Variants in AGBL1 observed in about 807,000 individuals in gnomAD.
The protein encoded by AGBL1 is cytosolic carboxypeptidase 4.
Under a neutral mutation model 118.9 loss-of-function variants are expected in AGBL1, and 130 were observed. That is an observed-to-expected ratio of 1.09 (90% CI 0.95 to 1.26). The LOEUF is 1.26. Ranked by LOEUF, AGBL1 falls within the 50% of genes most tolerant of loss-of-function variation. The pLI is 0.00. For missense variants in AGBL1, 1,584 were observed against 1,298.1 expected, an observed-to-expected ratio of 1.22 and a Z score of -3.38; for synonymous variants, 555 against 478.9, an observed-to-expected ratio of 1.16 and a Z score of -2.08.
intron 1 of AGBL1, among the ~76,000 whole-genome samples, chr15:86,089,268 T>G (rs1259930674): frequency 6.6e-6 from 1 of 152,320 alleles, no homozygotes; most frequent in South Asian, 2.1e-4. Flanking sequence ...TGTGAGTGGA[T>G]TTGAAGTTAG....
chr15:86,996,280 TC>T (rs1194767144), intron 24 of AGBL1, among the ~76,000 whole-genome samples: 1 of 152,162 alleles, frequency 6.6e-6, no homozygotes, highest in Non-Finnish European at 1.5e-5. Context: ...AGCAGATTCT[TC>T]CCAGGAATTC....
intron 21 of AGBL1, among the ~76,000 whole-genome samples, chr15:86,671,435 A>G (rs2085744820): frequency 6.6e-6 from 1 of 152,188 alleles, no homozygotes; most frequent in Admixed American, 6.5e-5. Flanking sequence ...TGTCTGTGGA[A>G]AAAATTTCTA....
chr15:86,903,815 C>G (rs1470702134), intron 22 of AGBL1, among the ~76,000 whole-genome samples: 1 of 152,148 alleles, frequency 6.6e-6, no homozygotes, highest in Non-Finnish European at 1.5e-5. Context: ...CCTTTCTGGC[C>G]AGAAGAAGCA....
chr15:86,817,495 GGA>G (rs772111583), intron 22 of AGBL1, among the ~76,000 whole-genome samples: 3 of 96,722 alleles, frequency 3.1e-5, no homozygotes, highest in Admixed American at 1.0e-4. Context: ...CACACACAGA[GGA>G]GAGAGAGAGA....
At chr15:86,153,142 C>T (rs2141685209) in intron 3 of AGBL1, among the ~76,000 whole-genome samples, 1 of 152,194 alleles carries the variant, frequency 6.6e-6, no homozygotes, top group African/African-American at 2.4e-5. Flanking sequence ...ACCATTTGAC[C>T]CAGCAATCCC....
intron 22 of AGBL1, among the ~76,000 whole-genome samples, chr15:86,781,547 A>C (rs2078336780): frequency 6.6e-6 from 1 of 152,186 alleles, no homozygotes; most frequent in African/African-American, 2.4e-5. Context: ...GTTTTAAGAC[A>C]CAAAAATCAT....
Position 86,685,530 on chromosome 15 carries a change from C to G in AGBL1, c.3158+11094C>G, listed in dbSNP as rs151210682. On this transcript the variant is annotated intron_variant, in intron 22 of 22. Coordinates refer to ENST00000614907, the MANE Select transcript of AGBL1 (RefSeq NM_001386094.1). ...AGCTGACTAGCTCCCTGTGCTTTGC[C>G]AGTGAGTAATAAAATAAGTAGAAGG... Among the ~76,000 whole-genome samples, 462 of 152,114 alleles carry G rather than the reference C, an allele frequency of 3.0e-3. 1 individual carries two copies. The highest frequency in any genetic ancestry group is 4.5e-3 in the Non-Finnish European group (309 of 67,998).
At chr15:86,262,579 C>A in intron 9 of AGBL1, 199 bp from the exon 10 acceptor site, 1 of 644,070 alleles carries the variant, frequency 1.6e-6, no homozygotes, top group Non-Finnish European at 2.8e-6. Flanking sequence ...AATGCTGAGA[C>A]AAGTCCTTTA....
At chr15:86,527,865 G>A (rs2083288188) in intron 19 of AGBL1, among the ~76,000 whole-genome samples, 1 of 152,092 alleles carries the variant, frequency 6.6e-6, no homozygotes, top group Non-Finnish European at 1.5e-5. Flanking sequence ...AGTGAATATG[G>A]CAATATTCAC....
chr15:86,235,718 A>G (rs1318078077), intron 6 of AGBL1, among the ~76,000 whole-genome samples: 1 of 152,216 alleles, frequency 6.6e-6, no homozygotes, highest in Non-Finnish European at 1.5e-5. Flanking sequence ...GTCCTGTCAG[A>G]CGGGTAAATA....
chr15:86,670,627 A>AC (rs34089053), intron 21 of AGBL1, among the ~76,000 whole-genome samples: 54 of 93,430 alleles, frequency 5.8e-4, no homozygotes, highest in South Asian at 2.0e-3. Flanking sequence ...ACACACACAC[A>AC]AACACGCTGT....
chr15:86,827,834 T>C (rs1216158387), intron 22 of AGBL1, among the ~76,000 whole-genome samples: 2 of 149,710 alleles, frequency 1.3e-5, no homozygotes, highest in African/African-American at 2.5e-5. Flanking sequence ...TGGTGGATTA[T>C]GGTGGCTACC....
intron 22 of AGBL1, among the ~76,000 whole-genome samples, chr15:86,895,105 C>G (rs2080105689): frequency 6.6e-6 from 1 of 151,712 alleles, no homozygotes; most frequent in Non-Finnish European, 1.5e-5. Context: ...CCTTCCCTTT[C>G]TTTTTTCCTT....
At chr15:86,957,445 G>A (rs16978119) in intron 23 of AGBL1, among the ~76,000 whole-genome samples, 9,891 of 151,862 alleles carry the variant, frequency 0.065, 423 homozygotes, top group South Asian at 0.19. Flanking sequence ...TAAAATCTCA[G>A]GGAATCCATA....
chr15:86,511,006 G>A (rs2142177978), intron 18 of AGBL1, among the ~76,000 whole-genome samples: 1 of 152,106 alleles, frequency 6.6e-6, no homozygotes, highest in South Asian at 2.1e-4. Flanking sequence ...GTAAATTCCT[G>A]GAAGGACTTA....
intron 5 of AGBL1, among the ~76,000 whole-genome samples, chr15:86,215,061 T>C (rs897572398): frequency 2.0e-5 from 3 of 152,116 alleles, no homozygotes; most frequent in African/African-American, 7.2e-5. Context: ...TTCTGCACCA[T>C]ATGTTTATTA....
At chr15:86,821,690 A>C (rs1259738343) in intron 22 of AGBL1, among the ~76,000 whole-genome samples, 1 of 152,170 alleles carries the variant, frequency 6.6e-6, no homozygotes, top group Non-Finnish European at 1.5e-5. Context: ...TAATAGTAAT[A>C]GTTGTCATTT....
intron 23 of AGBL1, among the ~76,000 whole-genome samples, chr15:86,945,554 T>C (rs1389839302): frequency 6.6e-6 from 1 of 152,034 alleles, no homozygotes; most frequent in Non-Finnish European, 1.5e-5. Flanking sequence ...GCACCTGTGG[T>C]CCCAGCTACT....
chr15:86,595,663 C>T (rs1031816883), intron 21 of AGBL1, among the ~76,000 whole-genome samples: 4 of 152,112 alleles, frequency 2.6e-5, no homozygotes, highest in African/African-American at 9.7e-5. Context: ...GTTCTTCTTT[C>T]CCACTGCACA....
Sources: gnomAD v4.1 joint callset for allele counts (sites outside exome capture counted in the v4.1 genomes callset) on GRCh38, gnomAD v4.1.1 for gene constraint, MANE v1.5 for transcripts, NCBI Gene and HGNC (gene_info 2026-07-23, HGNC 2026-07-21) for gene names.